Variants in PPA2 observed in about 807,000 individuals in gnomAD.
PPA2 encodes inorganic pyrophosphatase 2, mitochondrial.
PPA2 carries 48 observed loss-of-function variants against 49.5 expected under a neutral mutation model. The ratio of observed to expected loss-of-function variants is 0.97; its 90% CI spans 0.77 to 1.23. The LOEUF (loss-of-function observed/expected upper bound fraction) is 1.23, where lower values mean the gene tolerates loss of function less well. Ranked by LOEUF, PPA2 falls within the 50% of genes most tolerant of loss-of-function variation. The pLI is 0.00. For synonymous variants in PPA2, 131 were observed against 139.9 expected (o/e 0.94, Z 0.45); for missense variants, 429 against 410.1 (o/e 1.05, Z -0.40).
chr4:105,386,191 T>C (rs111684919), intron 10 of PPA2, among the ~76,000 whole-genome samples: 1 of 152,244 alleles, frequency 6.6e-6, no homozygotes, highest in African/African-American at 2.4e-5. Flanking sequence ...AATTTTATTA[T>C]TCTTAAGCTG....
intron 10 of PPA2, among the ~76,000 whole-genome samples, chr4:105,382,882 T>A (rs1733542385): frequency 6.6e-6 from 1 of 151,954 alleles, no homozygotes; most frequent in Non-Finnish European, 1.5e-5. Context: ...ACACCTGTAG[T>A]CCCAGCAACT....
At chr4:105,435,604 C>A (rs77928427) in intron 6 of PPA2, among the ~76,000 whole-genome samples, 31,020 of 152,056 alleles carry the variant, frequency 0.2, 3,319 homozygotes, top group Middle Eastern at 0.26. Context: ...AAAGATAATT[C>A]ATCATGATCA....
chr4:105,465,362 A>G (rs1723259000), intron 1 of PPA2, among the ~76,000 whole-genome samples: 1 of 152,208 alleles, frequency 6.6e-6, no homozygotes, highest in Non-Finnish European at 1.5e-5. Flanking sequence ...CATCAAAATT[A>G]TGGAATCCTC....
intron 1 of PPA2, among the ~76,000 whole-genome samples, chr4:105,460,429 G>T (rs1375614943): frequency 6.6e-6 from 1 of 152,116 alleles, no homozygotes; most frequent in Admixed American, 6.5e-5. Context: ...GCAAATTTTG[G>T]TATCCAAGGG....
In PPA2 at chr4:105,399,027, T is replaced by C; in HGVS notation, c.783+10A>G. 3 of 1,604,122 alleles carry C rather than the reference T, an allele frequency of 1.9e-6. No homozygotes were observed. The highest frequency in any genetic ancestry group is 1.1e-5 in the South Asian group (1 of 88,554). On this transcript the variant is annotated intron_variant, in intron 8 of 11. Transcript: ENST00000341695. ...GAGGTACATTTTAAAATAAAGATTC[T>C]CATCTTCACCTTGTTTTTGAATTCT...
chr4:105,425,721 CAT>C (rs1553926961), intron 6 of PPA2, among the ~76,000 whole-genome samples: 5 of 119,960 alleles, frequency 4.2e-5, no homozygotes, highest in South Asian at 2.6e-4. Flanking sequence ...GACACATGCA[CAT>C]ACACACACAC....
intron 8 of PPA2, among the ~76,000 whole-genome samples, chr4:105,397,450 A>C (rs530803079): frequency 6.6e-6 from 1 of 152,286 alleles, no homozygotes; most frequent in East Asian, 1.9e-4. Flanking sequence ...AACCAATTTC[A>C]ATACTTGTTT....
chr4:105,471,788 T>C (rs963097157), intron 1 of PPA2, among the ~76,000 whole-genome samples: 1 of 151,906 alleles, frequency 6.6e-6, no homozygotes, highest in Non-Finnish European at 1.5e-5. Flanking sequence ...AGTTCAGAAA[T>C]TGTTTAACCA....
chr4:105,379,015 A>T (rs1733368621), intron 10 of PPA2, among the ~76,000 whole-genome samples: 1 of 152,102 alleles, frequency 6.6e-6, no homozygotes, highest in Non-Finnish European at 1.5e-5. Flanking sequence ...CAGCTTGTTA[A>T]TTTCTACAAA....
At chr4:105,430,010 T>G (rs184379909) in intron 6 of PPA2, among the ~76,000 whole-genome samples, 1 of 152,256 alleles carries the variant, frequency 6.6e-6, no homozygotes, top group African/African-American at 2.4e-5. Context: ...CAAGTTTATA[T>G]GCATGCATTC....
intron 7 of PPA2, among the ~76,000 whole-genome samples, chr4:105,406,114 C>CAAAAAAAAAA (rs35468715): frequency 4.1e-5 from 4 of 97,570 alleles, no homozygotes; most frequent in Non-Finnish European, 6.4e-5. Flanking sequence ...TATAAAACTT[C>CAAAAAAAAAA]AAAAAAAAAA....
intron 7 of PPA2, among the ~76,000 whole-genome samples, chr4:105,421,974 C>T (rs778537342): frequency 4.6e-5 from 7 of 151,896 alleles, no homozygotes; most frequent in Non-Finnish European, 7.4e-5. Flanking sequence ...ACCTAGGAGG[C>T]GGTGGTTGCA....
intron 7 of PPA2, among the ~76,000 whole-genome samples, chr4:105,406,114 C>CAAAAAAAAAAAAAAAAAAA (rs35468715): frequency 1.0e-5 from 1 of 97,590 alleles, no homozygotes; most frequent in Non-Finnish European, 2.1e-5. Context: ...TATAAAACTT[C>CAAAAAAAAAAAAAAAAAAA]AAAAAAAAAA....
chr4:105,410,984 C>T (rs146305511), intron 7 of PPA2, among the ~76,000 whole-genome samples: 19 of 152,298 alleles, frequency 1.2e-4, no homozygotes, highest in African/African-American at 4.6e-4. Flanking sequence ...AGACCATCAA[C>T]ACTATGAAGA....
At chr4:105,424,375 CAT>C (rs1723393870) in intron 6 of PPA2, 53 bp from the exon 7 acceptor site, 1 of 1,456,846 alleles carries the variant, frequency 6.9e-7, no homozygotes, top group Non-Finnish European at 9.1e-7. Context: ...AGTTTACTCA[CAT>C]ATCACAAAAT....
intron 7 of PPA2, among the ~76,000 whole-genome samples, chr4:105,417,596 GAGAC>G (rs755692608): frequency 8.0e-5 from 12 of 149,262 alleles, no homozygotes; most frequent in Non-Finnish European, 1.6e-4. Flanking sequence ...GTTCAAAAAA[GAGAC>G]AGCAGGTTCT....
intron 9 of PPA2, among the ~76,000 whole-genome samples, chr4:105,390,599 A>C (rs1440633185): frequency 6.6e-6 from 1 of 152,258 alleles, no homozygotes; most frequent in Non-Finnish European, 1.5e-5. Context: ...TCAAAACCAC[A>C]ATGAGATACC....
chr4:105,400,202 T>C (rs1734304901), intron 7 of PPA2, among the ~76,000 whole-genome samples: 1 of 152,212 alleles, frequency 6.6e-6, no homozygotes, highest in South Asian at 2.1e-4. Context: ...TATACTGTTT[T>C]GTTATAACAA....
Position 105,449,322 on chromosome 4 carries a change from G to GT in PPA2, c.321+27dup, listed in dbSNP as rs545622412. The GT allele has an allele frequency of 1.9e-5, 27 of 1,411,620 alleles. No individual in the cohort carries two copies. The East Asian group carries it at 6.4e-4, about 33-fold the overall frequency. The allele number at this position is 1,411,620 out of a possible 1,614,324, so 87.4% of individuals were successfully genotyped here. A position where few individuals can be genotyped will look rare whatever the true frequency, so the allele number is the denominator to read the frequency against. On this transcript the variant is annotated intron_variant, in intron 4 of 11. Transcript: ENST00000341695. Reference sequence around the variant, plus strand: ...GTTTTATATCATTATAATCATTTCGGTTTCATATTAATAAAGTATATCGGT... The same window carrying GT: ...GTTTTATATCATTATAATCATTTCGGTTTTCATATTAATAAAGTATATCGGT...
Sources: allele counts gnomAD v4.1 joint callset (sites outside exome capture counted in the v4.1 genomes callset), GRCh38; gene constraint gnomAD v4.1.1; transcripts MANE v1.5; gene names NCBI Gene and HGNC (gene_info 2026-07-23, HGNC 2026-07-21).